ABCG1: variants seen among roughly 807,000 people sequenced by gnomAD.
The protein encoded by ABCG1 is ATP binding cassette subfamily G member 1.
Under a neutral mutation model 69.2 loss-of-function variants are expected in ABCG1, and 29 were observed. The ratio of observed to expected loss-of-function variants is 0.42; its 90% CI spans 0.31 to 0.57. The LOEUF (loss-of-function observed/expected upper bound fraction) is 0.57. Ranked by LOEUF, ABCG1 falls within the 20% of genes least tolerant of loss-of-function variation. The probability of loss-of-function intolerance (pLI) is 0.15; values close to 1 mark genes in which losing one functional copy is unlikely to be tolerated. For missense variants in ABCG1, 718 were observed against 898.1 expected (o/e 0.80, Z 2.56); for synonymous variants, 370 against 374.8 (o/e 0.99, Z 0.15).
intron 2 of ABCG1, among the ~76,000 whole-genome samples, chr21:42,250,465 A>G (rs956177844): frequency 7.2e-5 from 11 of 152,156 alleles, no homozygotes; most frequent in Non-Finnish European, 8.8e-5. Context: ...AGAGATAGGC[A>G]GCCGCATGCA....
chr21:42,259,896 AG>A, intron 2 of ABCG1: 1 of 1,449,234 alleles, frequency 6.9e-7, no homozygotes, highest in South Asian at 1.5e-5. Flanking sequence ...GGGAGAAAGA[AG>A]GCCCCCAGGC....
intron 13 of ABCG1, among the ~76,000 whole-genome samples, chr21:42,293,154 C>T (rs1445306408): frequency 3.6e-5 from 5 of 138,264 alleles, no homozygotes; most frequent in Admixed American, 7.2e-5. Context: ...ACACCACACA[C>T]GGTACACACC....
At chr21:42,281,285 G>T (rs2068803356) in intron 5 of ABCG1, among the ~76,000 whole-genome samples, 1 of 152,214 alleles carries the variant, frequency 6.6e-6, no homozygotes. Flanking sequence ...CCCTGGCAGG[G>T]TGGGGACAAT....
intron 2 of ABCG1, among the ~76,000 whole-genome samples, chr21:42,237,840 CAG>C (rs762483335): frequency 1.3e-5 from 2 of 152,148 alleles, no homozygotes; most frequent in Non-Finnish European, 1.5e-5. Flanking sequence ...CGTGGATGGA[CAG>C]AGGGGTGGCT....
intron 2 of ABCG1, among the ~76,000 whole-genome samples, chr21:42,254,676 A>C (rs1222900772): frequency 6.6e-6 from 1 of 152,228 alleles, no homozygotes; most frequent in Non-Finnish European, 1.5e-5. Context: ...CATTAGGGGG[A>C]AGAAACAAGT....
chr21:42,239,917 G>A (rs2068027407), intron 2 of ABCG1, among the ~76,000 whole-genome samples: 1 of 152,230 alleles, frequency 6.6e-6, no homozygotes, highest in Non-Finnish European at 1.5e-5. Context: ...GCTCCGGAAG[G>A]TTCCCCTTTG....
At chr21:42,228,562 C>T (rs2067853947) in intron 2 of ABCG1, among the ~76,000 whole-genome samples, 1 of 152,186 alleles carries the variant, frequency 6.6e-6, no homozygotes, top group South Asian at 2.1e-4. Context: ...GGGACTTGCC[C>T]ATGCTCCTGG....
In ABCG1 at chr21:42,276,080, C is replaced by T. The variant is rs1448108969; in HGVS notation, c.538-815C>T. ...TCTCTAGCTAATGAGGTGGACAGAG[C>T]TTAACCTCACCATTGTGCCAGTGAG... On this transcript the variant is annotated intron_variant, in intron 4 of 14. Coordinates refer to ENST00000398449, the MANE Select transcript of ABCG1 (RefSeq NM_016818.3). This position sits in a 1 kb window ranked among gnomAD's most constrained non-coding sequence, Gnocchi z 5.3. Among the ~76,000 whole-genome samples, 1 of 150,132 alleles carries T rather than the reference C, an allele frequency of 6.7e-6. No individual in the cohort carries two copies. Among genetic ancestry groups the T allele is most frequent in the Non-Finnish European group, 1.5e-5 (1 of 67,712 alleles).
In ABCG1 at chr21:42,290,163, C is replaced by T. The variant is rs2069028954; in HGVS notation, c.1338C>T (p.Leu446=). The T allele has an allele frequency of 6.2e-7, 1 of 1,614,044 alleles. No homozygotes were observed. Among genetic ancestry groups the T allele is most frequent in the African/African-American group, 1.3e-5 (1 of 74,914 alleles). ...AGGTCTTGAGCAACTCCGGCTTCCTCTTCTTCTCCATGCTGTTCCTCATGT... is the reference window on the plus strand; with the variant it reads ...AGGTCTTGAGCAACTCCGGCTTCCTTTTCTTCTCCATGCTGTTCCTCATGT... ...AKKVLSNSGF[L]FFSMLFLMFA... The change falls in exon 11 of 15, where the codon CTC becomes CTT. Residue 446 remains leucine (L), a synonymous_variant. Coordinates refer to ENST00000398449, the MANE Select transcript of ABCG1 (RefSeq NM_016818.3).
chr21:42,293,607 C>T (rs2069136310), intron 13 of ABCG1, among the ~76,000 whole-genome samples: 1 of 142,812 alleles, frequency 7.0e-6, no homozygotes, highest in Non-Finnish European at 1.6e-5. Flanking sequence ...ACACAGTACA[C>T]ACCACACTAC....
chr21:42,231,143 C>G (rs990763398), intron 2 of ABCG1, among the ~76,000 whole-genome samples: 4 of 152,224 alleles, frequency 2.6e-5, no homozygotes, highest in Non-Finnish European at 5.9e-5. Flanking sequence ...TGGAGAGGCT[C>G]CAGCTTCCCT....
intron 2 of ABCG1, among the ~76,000 whole-genome samples, chr21:42,210,716 C>T (rs146549041): frequency 1.4e-5 from 2 of 145,390 alleles, no homozygotes; most frequent in African/African-American, 5.3e-5. Context: ...CTGCCGCCCC[C>T]CTCCCTCCAC....
chr21:42,267,539 GT>G, intron 2 of ABCG1, among the ~76,000 whole-genome samples: 2 of 150,820 alleles, frequency 1.3e-5, no homozygotes, highest in African/African-American at 4.9e-5. Flanking sequence ...TCTGGGTTCT[GT>G]CTGGGTCTGC....
chr21:42,274,100 C>G (rs1041325093), intron 4 of ABCG1, among the ~76,000 whole-genome samples: 3 of 152,224 alleles, frequency 2.0e-5, no homozygotes, highest in Non-Finnish European at 4.4e-5. Context: ...TAACTGCCAG[C>G]TCAGCTTCCC....
intron 2 of ABCG1, among the ~76,000 whole-genome samples, chr21:42,251,468 C>T (rs2068219354): frequency 6.6e-6 from 1 of 152,208 alleles, no homozygotes; most frequent in Non-Finnish European, 1.5e-5. Context: ...GAGCTGTGGC[C>T]AGCCACCGTG....
rs2068607337 is a variant in ABCG1, at chr21:42,271,057, T to G, written c.287-13T>G. 1 of 1,459,636 alleles carries G rather than the reference T, an allele frequency of 6.9e-7. No individual in the cohort carries two copies. Among genetic ancestry groups the G allele is most frequent in the Non-Finnish European group, 9.1e-7 (1 of 1,094,960 alleles). The allele number at this position is 1,459,636 out of a possible 1,614,324, so 90.4% of individuals were successfully genotyped here. On this transcript the variant is annotated splice_polypyrimidine_tract_variant and intron_variant, in intron 2 of 14. Coordinates refer to ENST00000398449, the MANE Select transcript of ABCG1 (RefSeq NM_016818.3). Reference sequence around the variant, plus strand: ...AAATGAAATGAATATGAATATGATCTGCTTTTTTGCAGGATACAAGACCCT... The same window carrying G: ...AAATGAAATGAATATGAATATGATCGGCTTTTTTGCAGGATACAAGACCCT...
chr21:42,215,070 AC>A (rs1309493787), upstream of ABCG1, among the ~76,000 whole-genome samples: 1 of 152,242 alleles, frequency 6.6e-6, no homozygotes, highest in Non-Finnish European at 1.5e-5. Context: ...CTGCATGCAG[AC>A]CAGCCTCGGC....
At chr21:42,231,964 CAA>C (rs1229376595) in intron 2 of ABCG1, among the ~76,000 whole-genome samples, 1 of 152,192 alleles carries the variant, frequency 6.6e-6, no homozygotes, top group Non-Finnish European at 1.5e-5. Flanking sequence ...GGGGCATTGA[CAA>C]AGAGTCTGCC....
intron 13 of ABCG1, among the ~76,000 whole-genome samples, chr21:42,292,130 C>CCACATGCACCTGCA (rs2069074836): frequency 6.6e-6 from 1 of 152,154 alleles, no homozygotes; most frequent in African/African-American, 2.4e-5. Context: ...CCCGACCTGC[C>CCACATGCACCTGCA]GCCCACATGC....
Sources: gnomAD v4.1 joint callset for allele counts (sites outside exome capture counted in the v4.1 genomes callset) on GRCh38, gnomAD v4.1.1 for gene constraint, Gnocchi (gnomAD v3.1) non-coding constraint, MANE v1.5 for transcripts, NCBI Gene and HGNC (gene_info 2026-07-23, HGNC 2026-07-21) for gene names.